COL24A1: variants seen among roughly 807,000 people sequenced by gnomAD.
The protein encoded by COL24A1 is collagen alpha-1(XXIV) chain.
COL24A1 carries 224 observed loss-of-function variants against 253.9 expected under a neutral mutation model. The observed-to-expected ratio is 0.88, with a 90% CI of 0.79 to 0.99. The LOEUF (loss-of-function observed/expected upper bound fraction) is 0.99. COL24A1 is among the 50% of genes least tolerant of loss of function. COL24A1 has a pLI of 0.00. For missense variants in COL24A1, 2,131 were observed against 2,068.5 expected, an observed-to-expected ratio of 1.03 and a Z score of -0.59; for synonymous variants, 685 against 673.7, an observed-to-expected ratio of 1.02 and a Z score of -0.26.
intron 51 of COL24A1, among the ~76,000 whole-genome samples, chr1:85,782,779 T>C (rs566175734): frequency 1.7e-4 from 26 of 152,336 alleles, no homozygotes; most frequent in Non-Finnish European, 2.9e-4. Context: ...CTATTAGTCA[T>C]AGAGATGCTA....
At chr1:85,917,791 G>A (rs1686040630) in intron 24 of COL24A1, among the ~76,000 whole-genome samples, 1 of 151,994 alleles carries the variant, frequency 6.6e-6, no homozygotes, top group Non-Finnish European at 1.5e-5. Context: ...CCCAGGTTCA[G>A]CTTGATCCTG....
chr1:85,820,914 A>G (rs1673559198), intron 45 of COL24A1, among the ~76,000 whole-genome samples: 1 of 152,196 alleles, frequency 6.6e-6, no homozygotes, highest in East Asian at 1.9e-4. Flanking sequence ...ACGTTAATAC[A>G]AACGCTTGTT....
intron 24 of COL24A1, among the ~76,000 whole-genome samples, chr1:85,948,481 G>A (rs949442564): frequency 3.2e-5 from 4 of 126,430 alleles, no homozygotes; most frequent in South Asian, 2.6e-4. Flanking sequence ...CCGAGATCGC[G>A]CCACTGCACT....
rs547069840 is a variant in COL24A1 at position 86,054,285 on chromosome 1, T to A, written c.1851+3646A>T. 3.3e-5 allele frequency among the ~76,000 whole-genome samples: 5 copies of A among 151,966 alleles called. No homozygotes were observed. The South Asian group carries it at 1.0e-3, about 32-fold the overall frequency. On this transcript the variant is annotated intron_variant, in intron 10 of 59. Transcript: ENST00000370571. Reference sequence around the variant, plus strand: ...CAAAAGCAACAAATGTAACAAAAAATTTGGCAATTGTAACCTAATTAAACT... The same window carrying A: ...CAAAAGCAACAAATGTAACAAAAAAATTGGCAATTGTAACCTAATTAAACT...
chr1:86,043,866 C>T (rs1310934502), intron 12 of COL24A1, among the ~76,000 whole-genome samples: 2 of 152,154 alleles, frequency 1.3e-5, no homozygotes, highest in African/African-American at 4.8e-5. Flanking sequence ...AAAATTAAAA[C>T]AGTTTTTGAC....
intron 37 of COL24A1, among the ~76,000 whole-genome samples, chr1:85,860,836 C>T (rs960149656): frequency 2.6e-5 from 4 of 152,224 alleles, no homozygotes; most frequent in African/African-American, 9.6e-5. Context: ...TTAATCCATG[C>T]TGCACCATGT....
intron 32 of COL24A1, among the ~76,000 whole-genome samples, chr1:85,884,017 T>C (rs1452383120): frequency 6.6e-6 from 1 of 152,226 alleles, no homozygotes; most frequent in African/African-American, 2.4e-5. Flanking sequence ...CAACACTCCT[T>C]TCCTAGATGA....
At chr1:85,975,164 G>C (rs1412152085) in intron 20 of COL24A1, among the ~76,000 whole-genome samples, 1 of 151,880 alleles carries the variant, frequency 6.6e-6, no homozygotes, top group Non-Finnish European at 1.5e-5. Context: ...TTTATTGGTG[G>C]GAATGTAAAT....
intron 47 of COL24A1, among the ~76,000 whole-genome samples, chr1:85,792,597 G>A (rs1420370181): frequency 6.6e-6 from 1 of 151,226 alleles, no homozygotes; most frequent in Non-Finnish European, 1.5e-5. Flanking sequence ...AGCCTTAGCT[G>A]CTTGGGAAGC....
chr1:86,053,815 G>T (rs1700487470), intron 10 of COL24A1, among the ~76,000 whole-genome samples: 4 of 151,994 alleles, frequency 2.6e-5, no homozygotes, highest in South Asian at 4.1e-4. Context: ...CCAATGAAAA[G>T]CTAATTTATC....
intron 3 of COL24A1, among the ~76,000 whole-genome samples, chr1:86,119,294 ACTC>A (rs1210438359): frequency 6.6e-6 from 1 of 151,678 alleles, no homozygotes; most frequent in Admixed American, 6.6e-5. Flanking sequence ...AATCCAAAAA[ACTC>A]CTCAGACCTC....
intron 52 of COL24A1, among the ~76,000 whole-genome samples, chr1:85,776,650 T>C (rs568468960): frequency 6.6e-6 from 1 of 152,098 alleles, no homozygotes; most frequent in African/African-American, 2.4e-5. Context: ...TATTTTAAAT[T>C]TGCTATTATT....
At chr1:86,144,942 T>C (rs555628028) in intron 2 of COL24A1, among the ~76,000 whole-genome samples, 189 of 152,276 alleles carry the variant, frequency 1.2e-3, no homozygotes, top group Middle Eastern at 3.4e-3. Flanking sequence ...CTCCTCTTCA[T>C]GGCTACTTCA....
intron 12 of COL24A1, among the ~76,000 whole-genome samples, chr1:86,035,382 T>C (rs571283938): frequency 5.3e-5 from 8 of 152,280 alleles, no homozygotes; most frequent in African/African-American, 1.7e-4. Context: ...GGAAATATAC[T>C]ACAGTAAGTC....
At chr1:86,012,396 C>T (rs559659254) in intron 19 of COL24A1, among the ~76,000 whole-genome samples, 2 of 151,966 alleles carry the variant, frequency 1.3e-5, no homozygotes, top group African/African-American at 2.4e-5. Flanking sequence ...AAGACTATCC[C>T]GGCTAACACA....
At chr1:85,988,100 TA>T (rs34090648) in intron 19 of COL24A1, among the ~76,000 whole-genome samples, 10,867 of 147,438 alleles carry the variant, frequency 0.074, 775 homozygotes, top group African/African-American at 0.19. Flanking sequence ...TTCTGTCTGA[TA>T]AAAAAAAAAA....
chr1:85,904,894 A>C (rs1023267881), intron 28 of COL24A1, among the ~76,000 whole-genome samples: 11 of 152,172 alleles, frequency 7.2e-5, no homozygotes, highest in African/African-American at 2.7e-4. Flanking sequence ...TGGTATTAAT[A>C]GTGTTTGACA....
intron 35 of COL24A1, among the ~76,000 whole-genome samples, 199 bp downstream of exon 35, chr1:85,874,450 T>G (rs1172142907): frequency 6.6e-6 from 1 of 152,228 alleles, no homozygotes; most frequent in Non-Finnish European, 1.5e-5. Flanking sequence ...CATATGAGGT[T>G]AAGACTGTAA....
chr1:85,746,704 G>C (rs1043571849), intron 55 of COL24A1, among the ~76,000 whole-genome samples: 2 of 152,226 alleles, frequency 1.3e-5, no homozygotes, highest in African/African-American at 4.8e-5. Context: ...GAATTGTTAG[G>C]AGAAGGGGTA....
Sources: gnomAD v4.1 joint callset for allele counts (sites outside exome capture counted in the v4.1 genomes callset) on GRCh38, gnomAD v4.1.1 for gene constraint, MANE v1.5 for transcripts, NCBI Gene and HGNC (gene_info 2026-07-23, HGNC 2026-07-21) for gene names.